The following NEBL variants were observed in gnomAD, a reference collection of about 807,000 sequenced individuals.
NEBL encodes LIM and SH3 protein 2.
Under a neutral mutation model 140.2 loss-of-function variants are expected in NEBL, and 122 were observed. That is an observed-to-expected ratio of 0.87 (90% confidence interval 0.75 to 1.01). The LOEUF (loss-of-function observed/expected upper bound fraction) is 1.01. Ranked by LOEUF, NEBL falls within the 50% of genes least tolerant of loss-of-function variation. NEBL has a pLI of 0.00. For missense variants in NEBL, 1,365 were observed against 1,231.3 expected (o/e 1.11, Z -1.62); for synonymous variants, 436 against 398.9 (o/e 1.09, Z -1.11).
intron 2 of NEBL, among the ~76,000 whole-genome samples, chr10:21,104,905 C>T (rs1837639758): frequency 6.6e-6 from 1 of 152,160 alleles, no homozygotes; most frequent in Non-Finnish European, 1.5e-5. Flanking sequence ...TCCATCTATG[C>T]CCAGTTTGCT....
rs112120986 is a variant in NEBL at position 21,276,966 on chromosome 10, CA to C, written n.182+15863del. Among the ~76,000 whole-genome samples, 179 of 140,944 alleles carry C rather than the reference CA, an allele frequency of 1.3e-3. 1 individual carries two copies. The highest frequency in any genetic ancestry group is 1.4e-3 in the African/African-American group (53 of 38,308). 92.5% of individuals were successfully genotyped at this position (140,944 alleles called of 152,430 possible). A position where few individuals can be genotyped will look rare whatever the true frequency, so the allele number is the denominator to read the frequency against. ...CCTGGGTGATAGAGTGAGACTGTCT[CA>C]AAAAAAAAAAAATTAGCCAGGTATA... On this transcript the variant is annotated intron_variant and non_coding_transcript_variant, in intron 1 of 8. Transcript: ENST00000675702.
intron 26 of NEBL, among the ~76,000 whole-genome samples, chr10:20,800,605 C>A (rs548935551): frequency 6.6e-6 from 1 of 152,134 alleles, no homozygotes; most frequent in South Asian, 2.1e-4. Context: ...GCTAAAGTTT[C>A]CTTTTCTAGG....
intron 1 of NEBL, among the ~76,000 whole-genome samples, chr10:21,277,513 A>C (rs1176438568): frequency 6.6e-6 from 1 of 152,172 alleles, no homozygotes; most frequent in African/African-American, 2.4e-5. Context: ...CCTGGCCCAA[A>C]ACTTAACCTT....
chr10:21,045,679 C>G (rs953035118), intron 2 of NEBL, among the ~76,000 whole-genome samples: 4 of 152,206 alleles, frequency 2.6e-5, no homozygotes, highest in Non-Finnish European at 5.9e-5. Context: ...AATCGCCTCA[C>G]ACTTGTTAGG....
In NEBL at chr10:20,827,414, T is replaced by G. The variant is rs74761701; in HGVS notation, c.1777-875A>C. 4.7e-3 allele frequency among the ~76,000 whole-genome samples: 711 copies of G among 152,326 alleles called. 7 individuals carry two copies. The highest frequency in any genetic ancestry group is 0.017 in the African/African-American group (690 of 41,578). The stretch of plus-strand genomic sequence containing the variant: ...CCCAGCAGACATCTGACCAGCTTAC[T>G]CTGAGAGCTGGCGCTTGCCAACTAA... On this transcript the variant is annotated intron_variant, in intron 17 of 27. Coordinates refer to ENST00000377122, the MANE Select transcript of NEBL (RefSeq NM_006393.3).
At chr10:21,074,255 G>T (rs1205428376) in intron 2 of NEBL, among the ~76,000 whole-genome samples, 1 of 152,040 alleles carries the variant, frequency 6.6e-6, no homozygotes, top group East Asian at 2.0e-4. Flanking sequence ...AACTGTATCT[G>T]CTTGTGCCTA....
intron 7 of NEBL, among the ~76,000 whole-genome samples, chr10:20,866,355 C>T (rs948533636): frequency 2.3e-4 from 35 of 152,088 alleles, no homozygotes; most frequent in African/African-American, 6.7e-4. Flanking sequence ...CACTTAAAAA[C>T]GGTTCAGATG....
intron 5 of NEBL, among the ~76,000 whole-genome samples, chr10:20,870,301 G>A (rs1844788793): frequency 6.9e-6 from 1 of 145,772 alleles, no homozygotes; most frequent in Non-Finnish European, 1.5e-5. Flanking sequence ...ATTCCAAACT[G>A]GGCAAAAGAG....
chr10:21,175,791 GA>G (rs1260138663), upstream of NEBL, among the ~76,000 whole-genome samples: 10 of 151,724 alleles, frequency 6.6e-5, no homozygotes, highest in Non-Finnish European at 1.2e-4. Context: ...ATGACGAGGG[GA>G]AAAAAAGTAT....
chr10:20,822,155 A>G (rs1839382062), intron 19 of NEBL, among the ~76,000 whole-genome samples: 1 of 152,182 alleles, frequency 6.6e-6, no homozygotes, highest in African/African-American at 2.4e-5. Context: ...TTAAACAGTG[A>G]ACATAGCTAT....
chr10:21,083,640 T>C (rs1836488079), intron 2 of NEBL, among the ~76,000 whole-genome samples: 1 of 151,782 alleles, frequency 6.6e-6, no homozygotes, highest in South Asian at 2.1e-4. Context: ...AGCTCAGGAG[T>C]TCGAGAACAG....
chr10:21,231,728 C>T (rs1039955390), intron 3 of NEBL, among the ~76,000 whole-genome samples: 15 of 151,932 alleles, frequency 9.9e-5, no homozygotes, highest in South Asian at 2.1e-4. Flanking sequence ...CGAGGCAAAA[C>T]GAATTTGCCA....
At chr10:20,884,483 G>T (rs1846293568) in intron 4 of NEBL, among the ~76,000 whole-genome samples, 1 of 152,186 alleles carries the variant, frequency 6.6e-6, no homozygotes, top group South Asian at 2.1e-4. Flanking sequence ...TGGCCAAGGA[G>T]GTCAAGTATG....
At chr10:21,060,532 C>A (rs930742766) in intron 2 of NEBL, among the ~76,000 whole-genome samples, 1 of 152,084 alleles carries the variant, frequency 6.6e-6, no homozygotes, top group African/African-American at 2.4e-5. Context: ...CAAACTGTCT[C>A]CTTTTCCTGT....
chr10:20,841,257 G>A, intron 12 of NEBL: 1 of 180,508 alleles, frequency 5.5e-6, no homozygotes, highest in Non-Finnish European at 1.2e-5. Context: ...AAAATCAAAA[G>A]GAGTGATGTA....
At chr10:20,799,476 A>T (rs1836888715) in intron 26 of NEBL, among the ~76,000 whole-genome samples, 2 of 152,190 alleles carry the variant, frequency 1.3e-5, no homozygotes, top group African/African-American at 4.8e-5. Flanking sequence ...TCAATCATCA[A>T]TTCTTCATAT....
At chr10:20,887,411 C>CTTTTTTTT (rs36034071) in intron 4 of NEBL, among the ~76,000 whole-genome samples, 4 of 80,628 alleles carry the variant, frequency 5.0e-5, no homozygotes, top group African/African-American at 9.8e-5. Context: ...TGAATTCAAC[C>CTTTTTTTT]TTTTTTTTTT....
intron 27 of NEBL, 44 bp from the exon 28 acceptor site, chr10:20,785,967 T>C (rs753733392): frequency 6.3e-7 from 1 of 1,580,264 alleles, no homozygotes; most frequent in Non-Finnish European, 8.7e-7. Flanking sequence ...CCGAAATAGC[T>C]ACAGCCACAA....
chr10:20,954,078 T>C (rs1006838407), intron 4 of NEBL, among the ~76,000 whole-genome samples: 2 of 147,884 alleles, frequency 1.4e-5, no homozygotes, highest in African/African-American at 5.0e-5. Context: ...GAGAAAGTAA[T>C]CCCATAAAAT....
Sources: gnomAD v4.1 joint callset for allele counts (sites outside exome capture counted in the v4.1 genomes callset) on GRCh38, gnomAD v4.1.1 for gene constraint, MANE v1.5 for transcripts, NCBI Gene and HGNC (gene_info 2026-07-23, HGNC 2026-07-21) for gene names.